Variants in KIF4A observed in about 807,000 individuals in gnomAD.
KIF4A encodes chromosome-associated kinesin KIF4A.
KIF4A carries 7 observed loss-of-function variants against 105.9 expected under a neutral mutation model. That is an observed-to-expected ratio of 0.07 (90% CI 0.04 to 0.12). The LOEUF is 0.12. Among genes scored for constraint, KIF4A ranks in the 10% least tolerant of loss-of-function variants. The pLI is 1.00. For synonymous variants in KIF4A, 281 were observed against 331.3 expected (o/e 0.85, Z 1.65); for missense variants, 558 against 929.2 (o/e 0.60, Z 5.19).
intron 13 of KIF4A, among the ~76,000 whole-genome samples, chrX:70,345,477 A>AAAG (rs1213159489): frequency 1.8e-5 from 2 of 108,879 alleles, no homozygotes; most frequent in South Asian, 4.0e-4. Context: ...AAAAAAAAAA[A>AAAG]AAGAAGAAGA....
chrX:70,318,174 G>A (rs770860518), intron 7 of KIF4A, among the ~76,000 whole-genome samples: 11 of 111,408 alleles, frequency 9.9e-5, no homozygotes, highest in Non-Finnish European at 1.7e-4. Context: ...CACCATGCCC[G>A]GCCTCCCCTT....
intron 15 of KIF4A, among the ~76,000 whole-genome samples, chrX:70,355,480 G>A (rs1284027426): frequency 8.9e-6 from 1 of 111,999 alleles, no homozygotes; most frequent in East Asian, 2.8e-4. Context: ...CTCTAATTCA[G>A]TGGGTCTTGG....
rs191032416 is a variant in KIF4A, at chrX:70,380,913, C to T, written c.2034+4703C>T. The stretch of plus-strand genomic sequence containing the variant: ...CCTGTAATCCTAGCACTTTGGGAGG[C>T]CAAGGCAGGCATATCACTTGAGGCC... On this transcript the variant is annotated intron_variant, in intron 18 of 30. Coordinates refer to ENST00000374403, the MANE Select transcript of KIF4A (RefSeq NM_012310.5). 6.3e-3 allele frequency among the ~76,000 whole-genome samples: 702 copies of T among 111,980 alleles called. 6 individuals carry two copies. The highest frequency in any genetic ancestry group is 0.021 in the African/African-American group (657 of 30,845).
At chrX:70,408,028 G>A (rs1267253076) in intron 28 of KIF4A, among the ~76,000 whole-genome samples, 3 of 108,028 alleles carry the variant, frequency 2.8e-5, no homozygotes, top group East Asian at 5.9e-4. Context: ...AGATCATGCC[G>A]TTGCACTCCA....
intron 15 of KIF4A, among the ~76,000 whole-genome samples, chrX:70,373,804 G>GTA (rs1299641758): frequency 4.8e-4 from 27 of 55,731 alleles, no homozygotes; most frequent in Non-Finnish European, 7.4e-4. Context: ...ACACATATAC[G>GTA]TATATATATA....
chrX:70,355,276 TTGG>T (rs1185533236), intron 15 of KIF4A, among the ~76,000 whole-genome samples: 1 of 111,656 alleles, frequency 9.0e-6, no homozygotes, highest in Non-Finnish European at 1.9e-5. Context: ...TTGGTTTTTG[TTGG>T]TGGTGGTTCC....
intron 22 of KIF4A, 118 bp from the exon 23 acceptor site, chrX:70,402,448 A>G (rs1384318070): frequency 2.3e-6 from 2 of 858,394 alleles, no homozygotes; most frequent in Non-Finnish European, 3.2e-6. Flanking sequence ...ACATTATTTA[A>G]ATGATATTTA....
At chrX:70,400,347 G>A (rs1039358350) in intron 22 of KIF4A, among the ~76,000 whole-genome samples, 1 of 111,317 alleles carries the variant, frequency 9.0e-6, no homozygotes, top group African/African-American at 3.3e-5. Flanking sequence ...TACAAAGGAT[G>A]TGAACTCATC....
chrX:70,398,728 T>C (rs1183333544), intron 22 of KIF4A, among the ~76,000 whole-genome samples: 1 of 112,226 alleles, frequency 8.9e-6, no homozygotes, highest in Non-Finnish European at 1.9e-5. Flanking sequence ...AATTTTGTCA[T>C]TCTAAAGACA....
intron 7 of KIF4A, among the ~76,000 whole-genome samples, chrX:70,307,167 AT>A (rs772339532): frequency 8.3e-5 from 9 of 108,733 alleles, no homozygotes; most frequent in South Asian, 3.9e-4. Flanking sequence ...TTTTTTGATA[AT>A]TTTTTTTTAA....
chrX:70,400,114 T>C (rs2086275303), intron 22 of KIF4A, among the ~76,000 whole-genome samples: 1 of 103,686 alleles, frequency 9.6e-6, no homozygotes, highest in South Asian at 4.8e-4. Flanking sequence ...GCTGGTGCGC[T>C]GCACCCACTA....
chrX:70,393,801 CTT>C (rs2086246934), intron 20 of KIF4A, among the ~76,000 whole-genome samples: 2 of 1,502 alleles, frequency 1.3e-3, no homozygotes, highest in African/African-American at 2.0e-3. Flanking sequence ...TTTCTTTTCT[CTT>C]TCTTTCTTTC....
chrX:70,290,653 C>G (rs1288218730), intron 2 of KIF4A, 38 bp from the exon 3 acceptor site: 2 of 1,202,696 alleles, frequency 1.7e-6, no homozygotes. Context: ...TCTTGCCTTT[C>G]ATTTTTAACC....
intron 29 of KIF4A, among the ~76,000 whole-genome samples, chrX:70,418,913 T>C (rs1409945932): frequency 1.8e-5 from 2 of 110,429 alleles, no homozygotes; most frequent in East Asian, 2.8e-4. Context: ...TGAAACCCCG[T>C]CTCTACTAAA....
intron 5 of KIF4A, 21 bp downstream of exon 5, chrX:70,299,223 A>T: frequency 8.6e-7 from 1 of 1,161,490 alleles, no homozygotes; most frequent in Non-Finnish European, 1.2e-6. Context: ...CTCTCATTTG[A>T]TGTTATTAAA....
chrX:70,386,635 T>C lies in KIF4A; in HGVS notation c.2052T>C (p.Tyr684=). 1.7e-6 allele frequency: 2 copies of C among 1,207,880 alleles called. No individual in the cohort carries two copies. The highest frequency in any genetic ancestry group is 2.2e-6 in the Non-Finnish European group (2 of 891,862). Residue 684 remains tyrosine, a synonymous_variant, in exon 19 of 31, where the codon TAT becomes TAC. Transcript: ENST00000374403. ...CTTGTCAGGACCGTAAGAGGCAATA[T>C]GAGCTGCTGAAACTTGAAAGAAACT... ...QLKERDRKRQ[Y]ELLKLERNFQ...
At chrX:70,357,663 T>A (rs2086057463) in intron 15 of KIF4A, among the ~76,000 whole-genome samples, 2 of 112,717 alleles carry the variant, frequency 1.8e-5, no homozygotes, top group Non-Finnish European at 3.7e-5. Flanking sequence ...ATTCTTTTAC[T>A]TGTTAGTTTG....
At chrX:70,297,699 C>A (rs902761124) in intron 4 of KIF4A, among the ~76,000 whole-genome samples, 4 of 111,474 alleles carry the variant, frequency 3.6e-5, no homozygotes, top group Non-Finnish European at 7.5e-5. Context: ...AACAAAAATT[C>A]TAGCCCTTAT....
At chrX:70,331,104 G>A (rs938153753) in intron 9 of KIF4A, among the ~76,000 whole-genome samples, 7 of 111,356 alleles carry the variant, frequency 6.3e-5, no homozygotes, top group Non-Finnish European at 1.3e-4. Context: ...TATGTACCTT[G>A]GGCAAGTTCT....
Sources: allele counts gnomAD v4.1 joint callset (sites outside exome capture counted in the v4.1 genomes callset), GRCh38; gene constraint gnomAD v4.1.1; transcripts MANE v1.5; gene names NCBI Gene and HGNC (gene_info 2026-07-23, HGNC 2026-07-21).